Variants in LITAF observed in about 807,000 individuals in gnomAD.
The protein encoded by LITAF is lipopolysaccharide-induced tumor necrosis factor-alpha factor.
In LITAF, 9 loss-of-function variants were observed where a neutral mutation model predicts 14.5. That is an observed-to-expected ratio of 0.62 (90% CI 0.37 to 1.08). The LOEUF (loss-of-function observed/expected upper bound fraction) is 1.08. Ranked by LOEUF, LITAF falls within the 50% of genes least tolerant of loss-of-function variation. LITAF has a pLI of 0.01. For missense variants in LITAF, 206 were observed against 213.4 expected (o/e 0.97, Z 0.22); for synonymous variants, 98 against 88.2 (o/e 1.11, Z -0.62).
At chr16:11,617,125 C>A (rs2065023936) in intron 3 of LITAF, among the ~76,000 whole-genome samples, 1 of 151,938 alleles carries the variant, frequency 6.6e-6, no homozygotes, top group African/African-American at 2.4e-5. Flanking sequence ...GAGGCTGAGG[C>A]AGGAGGATCG....
upstream of LITAF, among the ~76,000 whole-genome samples, chr16:11,589,908 G>GCCACT (rs1388972964): frequency 0.17 from 21,654 of 129,180 alleles, 4,674 homozygotes; most frequent in African/African-American, 0.26. Context: ...ACAGGTGTGA[G>GCCACT]GCACCACACC....
chr16:11,560,262 A>C (rs111540932), intron 1 of LITAF, among the ~76,000 whole-genome samples: 273 of 152,144 alleles, frequency 1.8e-3, no homozygotes, highest in African/African-American at 6.4e-3. Flanking sequence ...GCGCCATTGC[A>C]CTCTAGCCTG....
At chr16:11,596,040 C>T (rs1247676356) in intron 1 of LITAF, among the ~76,000 whole-genome samples, 3 of 152,156 alleles carry the variant, frequency 2.0e-5, no homozygotes. Flanking sequence ...CATGGACAGT[C>T]CCTGGTCACC....
At chr16:11,573,782 A>C (rs1315306758) in intron 1 of LITAF, among the ~76,000 whole-genome samples, 2 of 141,856 alleles carry the variant, frequency 1.4e-5, no homozygotes, top group Non-Finnish European at 1.5e-5. Context: ...ACTCACTGCA[A>C]CCTCCACTTC....
chr16:11,594,302 C>CT (rs1183704942), intron 1 of LITAF, among the ~76,000 whole-genome samples: 7 of 121,146 alleles, frequency 5.8e-5, no homozygotes, highest in African/African-American at 2.7e-4. Flanking sequence ...ACAACTGTAT[C>CT]CCAATTTTTT....
Position 11,558,197 on chromosome 16 carries a change from C to T in LITAF, c.-5-1462G>A, listed in dbSNP as rs1360962769. ...CCACTGCAGGGAGAAGGGTAGAGTC[C>T]TTCTCAGAAGCCCTGCCTCTAAACC... On this transcript the variant is annotated intron_variant, in intron 1 of 3. Transcript: ENST00000622633. This position sits in a 1 kb window ranked among gnomAD's most constrained non-coding sequence, Gnocchi z 4.1. 6.6e-6 allele frequency among the ~76,000 whole-genome samples: 1 copy of T among 152,196 alleles called. No homozygotes were observed. The highest frequency in any genetic ancestry group is 1.5e-5 in the Non-Finnish European group (1 of 68,026).
upstream of LITAF, among the ~76,000 whole-genome samples, chr16:11,592,054 A>G: frequency 6.6e-6 from 1 of 152,250 alleles, no homozygotes; most frequent in East Asian, 1.9e-4. Context: ...TGTTTTATAA[A>G]TATGAAAACA....
chr16:11,609,522 A>G (rs774287519), intron 3 of LITAF, among the ~76,000 whole-genome samples: 20 of 152,062 alleles, frequency 1.3e-4, no homozygotes, highest in Non-Finnish European at 2.5e-4. Flanking sequence ...CCTGAATGGT[A>G]TGCTTTAAAT....
chr16:11,616,613 C>G (rs1326992754), intron 3 of LITAF, among the ~76,000 whole-genome samples: 1 of 152,072 alleles, frequency 6.6e-6, no homozygotes, highest in African/African-American at 2.4e-5. Context: ...AGGCAAAGAC[C>G]AAATACATAT....
chr16:11,552,458 T>C (rs934790831), intron 3 of LITAF, among the ~76,000 whole-genome samples: 1 of 152,212 alleles, frequency 6.6e-6, no homozygotes, highest in Admixed American at 6.5e-5. Context: ...GCAATTCCTA[T>C]GAAGAATTTT....
intron 3 of LITAF, among the ~76,000 whole-genome samples, chr16:11,550,824 G>C (rs1468079964): frequency 6.6e-6 from 1 of 152,114 alleles, no homozygotes; most frequent in Non-Finnish European, 1.5e-5. Context: ...ATGAGCCATG[G>C]CGTCTCTGTT....
At position 11,632,228 on chromosome 16, in the gene LITAF, C is replaced by T. The variant is rs142866840; in HGVS notation, c.85+1305G>A. Among the ~76,000 whole-genome samples the T allele has an allele frequency of 1.7e-3, 257 of 152,196 alleles. No individual in the cohort carries two copies. Among genetic ancestry groups the T allele is most frequent in the African/African-American group, 5.5e-3 (230 of 41,530 alleles). ...CAAGTGCTGGGAGTTACGTCGTGGA[C>T]GTGTCTTTCGGGGAGGGGTCATTAT... is the stretch of plus-strand genomic sequence containing the variant. On this transcript the variant is annotated intron_variant, in intron 3 of 3. Transcript: ENST00000574848. The surrounding 1 kb of genome is among the most constrained non-coding windows in gnomAD (Gnocchi z 4.8).
intron 1 of LITAF, among the ~76,000 whole-genome samples, chr16:11,573,638 T>G (rs1283744258): frequency 6.6e-6 from 1 of 151,768 alleles, no homozygotes; most frequent in Non-Finnish European, 1.5e-5. Context: ...CTATCATGTT[T>G]AATGAGGCAG....
chr16:11,589,218 G>T (rs1158342540), upstream of LITAF, among the ~76,000 whole-genome samples: 1 of 152,102 alleles, frequency 6.6e-6, no homozygotes, highest in African/African-American at 2.4e-5. Flanking sequence ...GACGGAAAAA[G>T]CATTTGAAGA....
In LITAF at chr16:11,553,837, CT is replaced by C; in HGVS notation, c.221-149del. Reference sequence around the variant, plus strand: ...TAGCATGCGTTCATCGTCTGGCTATCTATGAGAGCCAAAAGGGGAAGGAACA... The same window carrying C: ...TAGCATGCGTTCATCGTCTGGCTATCATGAGAGCCAAAAGGGGAAGGAACA... On this transcript the variant is annotated intron_variant, in intron 2 of 3. Transcript: ENST00000622633. This position sits in a 1 kb window ranked among gnomAD's most constrained non-coding sequence, Gnocchi z 7.7. 5.8e-6 allele frequency: 5 copies of C among 862,160 alleles called. No individual in the cohort carries two copies. Among genetic ancestry groups the C allele is most frequent in the Non-Finnish European group, 9.1e-6 (5 of 547,150 alleles). 53.4% of individuals were successfully genotyped at this position (862,160 alleles called of 1,614,324 possible).
chr16:11,609,512 C>T (rs769777092), intron 3 of LITAF, among the ~76,000 whole-genome samples: 4 of 152,120 alleles, frequency 2.6e-5, no homozygotes, highest in Non-Finnish European at 5.9e-5. Flanking sequence ...CCGTGCCCGG[C>T]CTGAATGGTA....
intron 3 of LITAF, among the ~76,000 whole-genome samples, chr16:11,552,196 T>C (rs1225180817): frequency 6.6e-6 from 1 of 152,170 alleles, no homozygotes; most frequent in Admixed American, 6.5e-5. Flanking sequence ...CAAACACCGT[T>C]TCCTTCAAGG....
upstream of LITAF, among the ~76,000 whole-genome samples, chr16:11,602,868 T>A (rs1189752753): frequency 6.6e-6 from 1 of 151,874 alleles, no homozygotes; most frequent in African/African-American, 2.4e-5. Context: ...CTCAGAGCTT[T>A]GAGAGGCCGA....
intron 1 of LITAF, among the ~76,000 whole-genome samples, chr16:11,566,850 A>G (rs2064458909): frequency 6.6e-6 from 1 of 152,210 alleles, no homozygotes; most frequent in Non-Finnish European, 1.5e-5. Flanking sequence ...GGCTTACTCC[A>G]ATAGCTCTAA....
Sources: allele counts gnomAD v4.1 joint callset (sites outside exome capture counted in the v4.1 genomes callset), GRCh38; gene constraint gnomAD v4.1.1; non-coding constraint Gnocchi (gnomAD v3.1); transcripts MANE v1.5; gene names NCBI Gene and HGNC (gene_info 2026-07-23, HGNC 2026-07-21).